Variants in C9orf57 observed in about 807,000 individuals in gnomAD.
C9orf57 encodes uncharacterized protein C9orf57.
A neutral mutation model predicts 12.9 loss-of-function variants in C9orf57; 12 were observed. The observed-to-expected ratio is 0.93, with a 90% CI of 0.60 to 1.51. C9orf57 has a LOEUF of 1.51. Among genes scored for constraint, C9orf57 ranks in the 40% most tolerant of loss-of-function variants. The pLI is 0.00. For missense variants in C9orf57, 141 were observed against 162.8 expected, an observed-to-expected ratio of 0.87 and a Z score of 0.73; for synonymous variants, 49 against 57.1, an observed-to-expected ratio of 0.86 and a Z score of 0.64.
intron 3 of C9orf57, among the ~76,000 whole-genome samples, chr9:72,056,419 C>T (rs1430433974): frequency 6.6e-6 from 1 of 150,584 alleles, no homozygotes; most frequent in Non-Finnish European, 1.5e-5. Flanking sequence ...GTGCACAGGG[C>T]CCAAGTTTAG....
intron 4 of C9orf57, among the ~76,000 whole-genome samples, chr9:72,053,615 C>A (rs942468193): frequency 6.6e-6 from 1 of 152,092 alleles, no homozygotes; most frequent in Non-Finnish European, 1.5e-5. Flanking sequence ...CTGTGACTAG[C>A]AGAGGGGAGA....
rs776548303 is a variant in C9orf57, at chr9:72,052,268, C to G, written c.*28G>C. ...TCAGGCTTCGAGACTGATTGATCTG[C>G]CAAGCATTTTAGATATGGGCCACTG... On this transcript the variant is annotated 3_prime_UTR_variant, in exon 5 of 5. Transcript: ENST00000651200. 159 of 1,549,792 alleles carry G rather than the reference C, an allele frequency of 1.0e-4. 1 individual carries two copies. The highest frequency in any genetic ancestry group is 2.4e-5 in the Non-Finnish European group (27 of 1,146,330).
At chr9:72,054,984 A>G (rs1314014205) in intron 4 of C9orf57, among the ~76,000 whole-genome samples, 2 of 140,680 alleles carry the variant, frequency 1.4e-5, no homozygotes, top group Non-Finnish European at 3.0e-5. Context: ...CAGTGGTTCA[A>G]TCTCGGCTCC....
chr9:72,058,450 C>T (rs1426071429), intron 2 of C9orf57, among the ~76,000 whole-genome samples: 6 of 152,128 alleles, frequency 3.9e-5, no homozygotes, highest in African/African-American at 9.7e-5. Context: ...CGTGAGCCAC[C>T]GCGGCCAGCC....
At chr9:72,059,114 C>A in intron 2 of C9orf57, 121 bp downstream of exon 2, 1 of 1,297,032 alleles carries the variant, frequency 7.7e-7, no homozygotes, top group African/African-American at 1.5e-5. Context: ...CGACCTCAGA[C>A]CTGATCCACC....
chr9:72,053,395 G>A (rs1402954963), intron 4 of C9orf57, among the ~76,000 whole-genome samples: 3 of 152,180 alleles, frequency 2.0e-5, no homozygotes, highest in South Asian at 2.1e-4. Flanking sequence ...TCCGAACACT[G>A]TAGTCATTCC....
At chr9:72,058,506 T>G (rs559677829) in intron 2 of C9orf57, among the ~76,000 whole-genome samples, 2 of 152,270 alleles carry the variant, frequency 1.3e-5, no homozygotes, top group East Asian at 3.9e-4. Flanking sequence ...TGGCCAGTGA[T>G]AGAGAACTGA....
rs369436152 is a variant in C9orf57, at chr9:72,057,508, G to A, written c.98-665C>T. Among the ~76,000 whole-genome samples, 8 of 152,302 alleles carry A rather than the reference G, an allele frequency of 5.3e-5. 1 individual carries two copies. Among genetic ancestry groups the A allele is most frequent in the African/African-American group, 1.4e-4 (6 of 41,558 alleles). On this transcript the variant is annotated intron_variant, in intron 2 of 4. Coordinates refer to ENST00000651200, the MANE Select transcript of C9orf57 (RefSeq NM_001128618.2). ...CCCAGAGTGCTGGGATTACAGGTGT[G>A]AGCCATCGCACCAGGCTAAAATTAT...
Position 72,059,394 on chromosome 9 carries a change from C to G in C9orf57, c.-53-10G>C. The G allele has an allele frequency of 1.3e-6, 2 of 1,551,142 alleles. No individual in the cohort carries two copies. The highest frequency in any genetic ancestry group is 1.7e-6 in the Non-Finnish European group (2 of 1,146,740). ...CACGTCCCACTGATTTCTGGGGAAG[C>G]AATAAAGTTACACATTTATGTTAGC... is the stretch of plus-strand genomic sequence containing the variant. On this transcript the variant is annotated splice_polypyrimidine_tract_variant and intron_variant, in intron 1 of 4. Coordinates refer to ENST00000651200, the MANE Select transcript of C9orf57 (RefSeq NM_001128618.2).
intron 1 of C9orf57, among the ~76,000 whole-genome samples, chr9:72,060,096 G>C (rs1824298941): frequency 6.6e-6 from 1 of 152,074 alleles, no homozygotes; most frequent in Non-Finnish European, 1.5e-5. Context: ...TGCCAGACTG[G>C]AGTGCAATGG....
intron 4 of C9orf57, 49 bp downstream of exon 4, chr9:72,056,025 T>C: frequency 1.3e-6 from 2 of 1,514,138 alleles, no homozygotes; most frequent in Non-Finnish European, 1.8e-6. Flanking sequence ...GTGATAAGCA[T>C]TTTCCCTGTG....
At position 72,053,749 on chromosome 9, in the gene C9orf57, C is replaced by G. The variant is rs546510052; in HGVS notation, c.281-1314G>C. Reference sequence around the variant, plus strand: ...ATCCTCTCTCCAAACTAATTTTGATCTCCTCTAATTTTTGTTCTTCCCTTC... The same window carrying G: ...ATCCTCTCTCCAAACTAATTTTGATGTCCTCTAATTTTTGTTCTTCCCTTC... On this transcript the variant is annotated intron_variant, in intron 4 of 4. Transcript: ENST00000651200. Among the ~76,000 whole-genome samples the G allele has an allele frequency of 2.6e-5, 4 of 152,320 alleles. No individual in the cohort carries two copies. In the East Asian group the frequency reaches 7.7e-4, roughly 29 times the overall value.
intron 4 of C9orf57, among the ~76,000 whole-genome samples, chr9:72,054,248 T>C (rs1019558120): frequency 6.6e-6 from 1 of 152,260 alleles, no homozygotes; most frequent in African/African-American, 2.4e-5. Flanking sequence ...TCTGCCTGCC[T>C]TGGTTTCCCA....
chr9:72,060,419 T>C lies in C9orf57; in HGVS notation c.-54+78A>G, dbSNP rs928765127. ...AAAAGCATTATGTGATAGTTAACGA[T>C]AGTTAATACTTATTAAAATGAAGGG... On this transcript the variant is annotated intron_variant, in intron 1 of 4. Coordinates refer to ENST00000651200, the MANE Select transcript of C9orf57 (RefSeq NM_001128618.2). 3 of 754,352 alleles carry C rather than the reference T, an allele frequency of 4.0e-6. No individual in the cohort carries two copies. In the African/African-American group the frequency reaches 5.2e-5, roughly 13 times the overall value. 46.7% of individuals were successfully genotyped at this position (754,352 alleles called of 1,614,324 possible). A position where few individuals can be genotyped will look rare whatever the true frequency, so the allele number is the denominator to read the frequency against.
chr9:72,054,024 G>T (rs1422800298), intron 4 of C9orf57, among the ~76,000 whole-genome samples: 1 of 152,182 alleles, frequency 6.6e-6, no homozygotes. Flanking sequence ...TTGAGATGGT[G>T]TTTCGCTCTT....
At chr9:72,055,287 C>A (rs932491380) in intron 4 of C9orf57, among the ~76,000 whole-genome samples, 2 of 151,624 alleles carry the variant, frequency 1.3e-5, no homozygotes, top group African/African-American at 2.4e-5. Context: ...TTCCTTCCTG[C>A]CTTCCTGCCT....
chr9:72,055,715 T>A (rs928671879), intron 4 of C9orf57, among the ~76,000 whole-genome samples: 1 of 152,160 alleles, frequency 6.6e-6, no homozygotes, highest in African/African-American at 2.4e-5. Flanking sequence ...AGGGCCCAAG[T>A]TTAGAAGGGC....
intron 2 of C9orf57, 23 bp from the exon 3 acceptor site, chr9:72,056,866 G>T (rs756056608): frequency 1.3e-6 from 2 of 1,538,332 alleles, no homozygotes; most frequent in South Asian, 2.4e-5. Flanking sequence ...CATGGAAGGG[G>T]ATTGAAAGAT....
rs1161301685 is a variant in C9orf57, at chr9:72,055,374, CTCCTTCCTTCCT to C, written c.280+688_280+699del. On this transcript the variant is annotated intron_variant, in intron 4 of 4. Coordinates refer to ENST00000651200, the MANE Select transcript of C9orf57 (RefSeq NM_001128618.2). ...ATTCTTTCCCTCCCTCCCTCCCTCCCTCCTTCCTTCCTTCCTTCCTTCCTTCCTTCCTTCCTT... is the reference window on the plus strand; with the variant it reads ...ATTCTTTCCCTCCCTCCCTCCCTCCCTCCTTCCTTCCTTCCTTCCTTCCTT... Among the ~76,000 whole-genome samples the C allele has an allele frequency of 2.5e-3, 148 of 58,082 alleles. 1 individual carries two copies. Among genetic ancestry groups the C allele is most frequent in the African/African-American group, 5.9e-3 (68 of 11,536 alleles). The allele number at this position is 58,082 out of a possible 152,430, so 38.1% of individuals were successfully genotyped here. A position where few individuals can be genotyped will look rare whatever the true frequency, so the allele number is the denominator to read the frequency against.
Sources: gnomAD v4.1 joint callset for allele counts (sites outside exome capture counted in the v4.1 genomes callset) on GRCh38, gnomAD v4.1.1 for gene constraint, MANE v1.5 for transcripts, NCBI Gene and HGNC (gene_info 2026-07-23, HGNC 2026-07-21) for gene names.